The following DPP6 variants were observed in gnomAD, a reference collection of about 807,000 sequenced individuals.
DPP6 encodes A-type potassium channel modulatory protein DPP6.
Under a neutral mutation model 122.6 loss-of-function variants are expected in DPP6, and 69 were observed. That is an observed-to-expected ratio of 0.56 (90% CI 0.46 to 0.69). The LOEUF (loss-of-function observed/expected upper bound fraction) is 0.69, where lower values mean the gene tolerates loss of function less well. Among genes scored for constraint, DPP6 ranks in the 30% least tolerant of loss-of-function variants. The probability of loss-of-function intolerance (pLI) is 0.00; values close to 1 mark genes in which losing one functional copy is unlikely to be tolerated. For missense variants in DPP6, 928 were observed against 1,116.9 expected (o/e 0.83, Z 2.41); for synonymous variants, 418 against 433.1 (o/e 0.97, Z 0.43).
At chr7:154,354,097 G>C (rs773322217) in intron 1 of DPP6, among the ~76,000 whole-genome samples, 45 of 152,242 alleles carry the variant, frequency 3.0e-4, no homozygotes, top group Middle Eastern at 3.4e-3. Context: ...CCCTGGCTCC[G>C]TGAAATCAGG....
rs144300623 is a variant in DPP6 at position 153,972,390 on chromosome 7, G to C, written c.51+84656G>C. ...GGCACCAGTGTTCTGTGAAAGCTAT[G>C]CTTGGGAAACTGACGTGAACCTATT... On this transcript the variant is annotated intron_variant, in intron 1 of 25. Transcript: ENST00000404039. Among the ~76,000 whole-genome samples the C allele has an allele frequency of 1.7e-3, 259 of 152,158 alleles. 1 individual carries two copies. Among genetic ancestry groups the C allele is most frequent in the East Asian group, 2.3e-3 (12 of 5,166 alleles).
chr7:154,352,192 G>T (rs144356604), intron 1 of DPP6, among the ~76,000 whole-genome samples: 1 of 152,146 alleles, frequency 6.6e-6, no homozygotes. Context: ...GGCCGGGCAC[G>T]GTGGCTCACG....
chr7:154,054,143 C>T (rs1421132279), intron 1 of DPP6, among the ~76,000 whole-genome samples: 1 of 151,838 alleles, frequency 6.6e-6, no homozygotes, highest in Non-Finnish European at 1.5e-5. Context: ...AACTGCTCAA[C>T]CTGGGAACCG....
chr7:154,221,757 T>C (rs1158740539), intron 1 of DPP6, among the ~76,000 whole-genome samples: 1 of 152,190 alleles, frequency 6.6e-6, no homozygotes, highest in East Asian at 1.9e-4. Flanking sequence ...TGTGAAGGCA[T>C]CTGAGAATTG....
chr7:154,353,377 T>C (rs1811031098), intron 1 of DPP6, among the ~76,000 whole-genome samples: 1 of 152,114 alleles, frequency 6.6e-6, no homozygotes, highest in South Asian at 2.1e-4. Context: ...ACGTGCCCAG[T>C]ATAGCGAGAA....
intron 1 of DPP6, among the ~76,000 whole-genome samples, chr7:154,254,294 A>T (rs891686137): frequency 6.6e-6 from 1 of 152,154 alleles, no homozygotes; most frequent in East Asian, 1.9e-4. Context: ...AATTTCTTTT[A>T]TATTGTTGTT....
chr7:153,787,891 G>A, the DPP6 span, among the ~76,000 whole-genome samples: 1 of 149,134 alleles, frequency 6.7e-6, no homozygotes, highest in East Asian at 2.0e-4. Flanking sequence ...TTAACTGAAA[G>A]GGTATTTCTT....
intron 1 of DPP6, among the ~76,000 whole-genome samples, chr7:154,330,383 A>T (rs1259986227): frequency 6.6e-6 from 1 of 152,200 alleles, no homozygotes; most frequent in Non-Finnish European, 1.5e-5. Flanking sequence ...TTCACAGCCG[A>T]GAGTGGCAGG....
intron 4 of DPP6, among the ~76,000 whole-genome samples, chr7:154,550,301 T>G (rs1829532948): frequency 6.6e-6 from 1 of 151,896 alleles, no homozygotes; most frequent in African/African-American, 2.4e-5. Context: ...TGCTAATAAC[T>G]CAGAAGATAC....
chr7:153,811,454 G>A, the DPP6 span, among the ~76,000 whole-genome samples: 2 of 152,304 alleles, frequency 1.3e-5, no homozygotes, highest in South Asian at 4.1e-4. Flanking sequence ...AGCAGAGAGG[G>A]GAGGGCAGGA....
intron 1 of DPP6, among the ~76,000 whole-genome samples, chr7:153,998,621 C>G (rs1797551466): frequency 6.6e-6 from 1 of 152,218 alleles, no homozygotes; most frequent in African/African-American, 2.4e-5. Context: ...CAACTAAACA[C>G]TCACCTGTAA....
intron 19 of DPP6, among the ~76,000 whole-genome samples, chr7:154,873,695 TCA>T (rs1804577219): frequency 6.6e-6 from 1 of 152,174 alleles, no homozygotes; most frequent in Non-Finnish European, 1.5e-5. Context: ...TGGACTGCTT[TCA>T]CACTTTCCCA....
At chr7:153,825,641 C>A in the DPP6 span, among the ~76,000 whole-genome samples, 1 of 152,154 alleles carries the variant, frequency 6.6e-6, no homozygotes, top group Non-Finnish European at 1.5e-5. Context: ...CTCACTGCAA[C>A]CTCTGCCTCC....
At chr7:154,205,945 G>GC (rs1428985964) in intron 1 of DPP6, among the ~76,000 whole-genome samples, 1 of 151,996 alleles carries the variant, frequency 6.6e-6, no homozygotes, top group Non-Finnish European at 1.5e-5. Context: ...TCAGGCTGAT[G>GC]CCCCCAGACC....
chr7:154,091,949 G>T (rs1804883541), intron 1 of DPP6, among the ~76,000 whole-genome samples: 1 of 152,258 alleles, frequency 6.6e-6, no homozygotes, highest in Admixed American at 6.5e-5. Context: ...ACAGTGATTG[G>T]GATGATGGGC....
At chr7:154,046,755 A>G (rs1800035638) in intron 1 of DPP6, among the ~76,000 whole-genome samples, 1 of 152,152 alleles carries the variant, frequency 6.6e-6, no homozygotes, top group South Asian at 2.1e-4. Context: ...GGCTTTTCTT[A>G]TTTTGTTATT....
chr7:153,962,576 CT>C (rs1795407615), intron 1 of DPP6, among the ~76,000 whole-genome samples: 1 of 152,190 alleles, frequency 6.6e-6, no homozygotes, highest in Admixed American at 6.5e-5. Context: ...CTTACGTGAG[CT>C]GGGTTTTTAT....
chr7:154,385,752 G>A lies in DPP6; in HGVS notation c.244-60462G>A, dbSNP rs1275980582. Among the ~76,000 whole-genome samples the A allele has an allele frequency of 3.9e-5, 6 of 152,122 alleles. No homozygotes were observed. The East Asian group carries it at 9.7e-4, about 24-fold the overall frequency. On this transcript the variant is annotated intron_variant, in intron 1 of 25. Transcript: ENST00000377770. ...CCTCAAAACAGTATCAGAATCTTAC[G>A]TACTCACTGGTCTCAGCGAGTATTC...
At chr7:154,271,514 G>A (rs931790326) in intron 1 of DPP6, among the ~76,000 whole-genome samples, 17 of 152,178 alleles carry the variant, frequency 1.1e-4, no homozygotes, top group African/African-American at 3.6e-4. Context: ...GCATGGACAG[G>A]AGGCCCTTAT....
Sources: allele counts gnomAD v4.1 joint callset (sites outside exome capture counted in the v4.1 genomes callset), GRCh38; gene constraint gnomAD v4.1.1; transcripts MANE v1.5; gene names NCBI Gene and HGNC (gene_info 2026-07-23, HGNC 2026-07-21).